Variants in FAT3 observed in about 807,000 individuals in gnomAD.
The protein encoded by FAT3 is FAT atypical cadherin 3.
FAT3 carries 95 observed loss-of-function variants against 310.2 expected under a neutral mutation model. That is an observed-to-expected ratio of 0.31 (90% CI 0.26 to 0.36). The LOEUF (loss-of-function observed/expected upper bound fraction) is 0.36, where lower values mean the gene tolerates loss of function less well. Among genes scored for constraint, FAT3 ranks in the 10% least tolerant of loss-of-function variants. FAT3 has a pLI of 1.00. For missense variants in FAT3, 5,408 were observed against 5,715.6 expected (o/e 0.95, Z 1.74); for synonymous variants, 2,314 against 2,192.9 (o/e 1.06, Z -1.54).
intron 4 of FAT3, among the ~76,000 whole-genome samples, chr11:92,735,113 A>G (rs781725240): frequency 6.6e-6 from 1 of 150,400 alleles, no homozygotes; most frequent in Non-Finnish European, 1.5e-5. Flanking sequence ...TGAGCATGTC[A>G]TGTCTGACTT....
chr11:92,864,132 G>A (rs1949181384), intron 21 of FAT3, among the ~76,000 whole-genome samples: 1 of 152,166 alleles, frequency 6.6e-6, no homozygotes, highest in Non-Finnish European at 1.5e-5. Context: ...ATATATTTGA[G>A]TACATCAGAG....
intron 3 of FAT3, among the ~76,000 whole-genome samples, chr11:92,562,690 A>G (rs115421161): frequency 0.01 from 1,559 of 152,322 alleles, 32 homozygotes; most frequent in African/African-American, 0.035. Flanking sequence ...GGGCAGGGGC[A>G]TAAGGGACTC....
intron 1 of FAT3, among the ~76,000 whole-genome samples, chr11:92,333,076 A>G (rs1591122323): frequency 6.6e-6 from 1 of 152,304 alleles, no homozygotes; most frequent in East Asian, 1.9e-4. Context: ...TCCAAGGTCA[A>G]GCCAAGAACC....
At chr11:92,231,003 C>T (rs1043549031) in intron 1 of FAT3, among the ~76,000 whole-genome samples, 4 of 152,144 alleles carry the variant, frequency 2.6e-5, no homozygotes, top group East Asian at 1.9e-4. Context: ...TTTGGAAGAA[C>T]GTATTCATGG....
chr11:92,474,712 T>C (rs1399318092), intron 2 of FAT3, among the ~76,000 whole-genome samples: 2 of 151,962 alleles, frequency 1.3e-5, no homozygotes. Context: ...AACTAGAAGG[T>C]GGAGTGGGAG....
chr11:92,279,900 A>G (rs1333659357), intron 1 of FAT3, among the ~76,000 whole-genome samples: 1 of 152,144 alleles, frequency 6.6e-6, no homozygotes, highest in Non-Finnish European at 1.5e-5. Flanking sequence ...TCCAAGTCTC[A>G]TGCTAGGTTA....
At chr11:92,588,848 C>T (rs1010870690) in intron 3 of FAT3, among the ~76,000 whole-genome samples, 2 of 151,554 alleles carry the variant, frequency 1.3e-5, no homozygotes, top group African/African-American at 4.9e-5. Context: ...AAGCCTCCCT[C>T]CAACAGTTTG....
intron 2 of FAT3, among the ~76,000 whole-genome samples, chr11:92,387,063 A>AGTGTGTGTGTGTGT (rs67529435): frequency 5.5e-5 from 8 of 144,158 alleles, no homozygotes; most frequent in African/African-American, 2.1e-4. Context: ...TATGGGAGCT[A>AGTGTGTGTGTGTGT]GTGTGTGTGT....
At chr11:92,634,644 G>A (rs938485624) in intron 3 of FAT3, among the ~76,000 whole-genome samples, 1 of 152,106 alleles carries the variant, frequency 6.6e-6, no homozygotes, top group African/African-American at 2.4e-5. Context: ...CCTCAGCTGG[G>A]GCCAGTTATG....
At chr11:92,472,563 G>A (rs979593728) in intron 2 of FAT3, among the ~76,000 whole-genome samples, 44 of 152,174 alleles carry the variant, frequency 2.9e-4, no homozygotes, top group Middle Eastern at 3.2e-3. Context: ...CACCAAAGAT[G>A]TTTCCAGCTA....
At chr11:92,694,020 A>G (rs1198318816) in intron 3 of FAT3, among the ~76,000 whole-genome samples, 1 of 152,196 alleles carries the variant, frequency 6.6e-6, no homozygotes, top group East Asian at 1.9e-4. Flanking sequence ...GTCAGGGTTT[A>G]TGATTTTCTA....
intron 3 of FAT3, among the ~76,000 whole-genome samples, chr11:92,658,323 T>A (rs577632): frequency 6.6e-6 from 1 of 151,950 alleles, no homozygotes; most frequent in African/African-American, 2.4e-5. Context: ...TTGAACTATT[T>A]AAAATTAAGT....
At chr11:92,690,864 T>C (rs1306399073) in intron 3 of FAT3, among the ~76,000 whole-genome samples, 1 of 152,208 alleles carries the variant, frequency 6.6e-6, no homozygotes, top group Non-Finnish European at 1.5e-5. Flanking sequence ...CAGAATCTTA[T>C]AGAAGACATC....
intron 2 of FAT3, among the ~76,000 whole-genome samples, chr11:92,409,950 G>T (rs1288347516): frequency 3.3e-5 from 5 of 152,110 alleles, no homozygotes; most frequent in Non-Finnish European, 7.4e-5. Flanking sequence ...GTCCTGATGT[G>T]TTGGGTTTTT....
intron 2 of FAT3, among the ~76,000 whole-genome samples, chr11:92,420,001 G>A (rs73548460): frequency 0.013 from 1,911 of 152,262 alleles, 34 homozygotes; most frequent in African/African-American, 0.044. Context: ...CAGAGAGTCC[G>A]TTTAGATTTT....
At chr11:92,497,139 C>T (rs964493518) in intron 2 of FAT3, among the ~76,000 whole-genome samples, 2 of 152,004 alleles carry the variant, frequency 1.3e-5, no homozygotes, top group Non-Finnish European at 2.9e-5. Flanking sequence ...TTTCCATAGA[C>T]GCCTGGGCTT....
rs772941815 is a variant in FAT3, at chr11:92,801,590, C to A, written c.8577C>A (p.Pro2859=). 6.2e-7 allele frequency: 1 copy of A among 1,611,372 alleles called. No homozygotes were observed. The highest frequency in any genetic ancestry group is 1.1e-5 in the South Asian group (1 of 90,576). Residue 2859 remains proline (P), a synonymous_variant, in exon 10 of 28, where the codon CCC becomes CCA. Coordinates refer to ENST00000525166, the MANE Select transcript of FAT3 (RefSeq NM_001367949.2). ...ACTCCCTCCACTCGGATTCCCAGCC[C>A]GAAAAGGTAATGGAAGCATTCAATA... ...VTYSLHSDSQ[P]EKVMEAFNID... is the part of the protein sequence containing the mutation.
At chr11:92,411,918 T>A (rs1390985696) in intron 2 of FAT3, among the ~76,000 whole-genome samples, 1 of 152,080 alleles carries the variant, frequency 6.6e-6, no homozygotes, top group Non-Finnish European at 1.5e-5. Context: ...TGCTAATTAA[T>A]CTTCATTCAT....
intron 23 of FAT3, 50 bp from the exon 24 acceptor site, chr11:92,882,688 C>T (rs768492395): frequency 6.8e-7 from 1 of 1,471,328 alleles, no homozygotes; most frequent in East Asian, 2.5e-5. Context: ...CGTATACCAA[C>T]GTGTGTGCAC....
Sources: gnomAD v4.1 joint callset for allele counts (sites outside exome capture counted in the v4.1 genomes callset) on GRCh38, gnomAD v4.1.1 for gene constraint, MANE v1.5 for transcripts, NCBI Gene and HGNC (gene_info 2026-07-23, HGNC 2026-07-21) for gene names.